NRG1: variants seen among roughly 807,000 people sequenced by gnomAD.
NRG1 encodes the protein neuregulin 1, also known as pro-neuregulin-1, membrane-bound isoform.
In NRG1, 18 loss-of-function variants were observed where a neutral mutation model predicts 63.8. The observed-to-expected ratio is 0.28, with a 90% confidence interval of 0.19 to 0.42. The LOEUF is 0.42. Ranked by LOEUF, NRG1 falls within the 10% of genes least tolerant of loss-of-function variation. NRG1 has a pLI of 1.00. For synonymous variants in NRG1, 302 were observed against 301.3 expected (o/e 1.00, Z -0.02); for missense variants, 762 against 814.7 (o/e 0.94, Z 0.79).
At chr8:32,518,434 T>A (rs1830040511) in intron 1 of NRG1, among the ~76,000 whole-genome samples, 1 of 152,108 alleles carries the variant, frequency 6.6e-6, no homozygotes, top group African/African-American at 2.4e-5. Flanking sequence ...ATTGTGTGGG[T>A]GACAAACTGA....
chr8:31,879,037 C>A (rs1450373315), intron 1 of NRG1, among the ~76,000 whole-genome samples: 1 of 152,022 alleles, frequency 6.6e-6, no homozygotes, highest in Non-Finnish European at 1.5e-5. Flanking sequence ...AAGGAAGTGG[C>A]ATCCCATTAT....
intron 7 of NRG1, among the ~76,000 whole-genome samples, chr8:32,751,948 C>A (rs558562930): frequency 3.9e-4 from 60 of 152,290 alleles, no homozygotes; most frequent in African/African-American, 1.4e-3. Context: ...TAGCCCTTGT[C>A]CATGTCCCCA....
chr8:31,765,051 A>G (rs1456566516), intron 1 of NRG1, among the ~76,000 whole-genome samples: 1 of 151,900 alleles, frequency 6.6e-6, no homozygotes, highest in Non-Finnish European at 1.5e-5. Flanking sequence ...AGTTAGAACT[A>G]TTGTTATATT....
intron 1 of NRG1, among the ~76,000 whole-genome samples, chr8:32,405,684 T>G (rs1164497073): frequency 6.6e-6 from 1 of 152,198 alleles, no homozygotes; most frequent in African/African-American, 2.4e-5. Context: ...GTAATCTTTA[T>G]GAAACTATTC....
At chr8:32,754,521 A>G in intron 8 of NRG1, 47 bp downstream of exon 8, 1 of 1,560,994 alleles carries the variant, frequency 6.4e-7, no homozygotes, top group Non-Finnish European at 8.8e-7. Context: ...ATGCAGAGAC[A>G]GCTTAGATGG....
intron 1 of NRG1, among the ~76,000 whole-genome samples, chr8:32,157,004 C>G (rs1838160588): frequency 6.6e-6 from 1 of 151,664 alleles, no homozygotes; most frequent in South Asian, 2.1e-4. Context: ...TTGCCTCCAA[C>G]CAAGTCTCAA....
At chr8:31,983,198 T>G (rs1809462401) in intron 1 of NRG1, among the ~76,000 whole-genome samples, 1 of 152,116 alleles carries the variant, frequency 6.6e-6, no homozygotes, top group African/African-American at 2.4e-5. Flanking sequence ...TAGTCAATAC[T>G]GAAAACATCC....
chr8:32,429,654 T>C (rs143808103), intron 1 of NRG1, among the ~76,000 whole-genome samples: 9 of 152,326 alleles, frequency 5.9e-5, no homozygotes, highest in African/African-American at 1.9e-4. Flanking sequence ...TCTCCCTTTT[T>C]GTTTTGATAC....
At position 32,758,575 on chromosome 8, in the gene NRG1, C is replaced by CAA. The variant is rs35499101; in HGVS notation, c.922-705_922-704dup. On this transcript the variant is annotated intron_variant, in intron 9 of 11. Coordinates refer to ENST00000356819, the Ensembl canonical transcript of NRG1. ...TGGGCAACAGAGTGAGACTCCATCT[C>CAA]AAAAAAAAAAAAAAAAAAAAAAAAA... 3.7e-3 allele frequency among the ~76,000 whole-genome samples: 274 copies of CAA among 74,534 alleles called. 10 individuals are homozygous for CAA. The highest frequency in any genetic ancestry group is 7.2e-3 in the African/African-American group (116 of 16,046). 48.9% of individuals were successfully genotyped at this position (74,534 alleles called of 152,430 possible).
chr8:32,632,464 G>A (rs1850508883), intron 5 of NRG1, among the ~76,000 whole-genome samples: 2 of 150,202 alleles, frequency 1.3e-5, no homozygotes. Context: ...CAGGAGAATT[G>A]CTTGAACCTG....
intron 1 of NRG1, among the ~76,000 whole-genome samples, chr8:32,590,510 A>C (rs1842345964): frequency 6.6e-6 from 1 of 152,206 alleles, no homozygotes; most frequent in African/African-American, 2.4e-5. Flanking sequence ...TTTTATGCTT[A>C]GATAAGACTT....
At chr8:32,212,513 A>G (rs1188891110) in intron 1 of NRG1, among the ~76,000 whole-genome samples, 1 of 152,204 alleles carries the variant, frequency 6.6e-6, no homozygotes, top group Non-Finnish European at 1.5e-5. Context: ...ATAAACAGCC[A>G]CATGTGGTCA....
chr8:32,433,778 G>C (rs1450845670), intron 1 of NRG1, among the ~76,000 whole-genome samples: 3 of 152,092 alleles, frequency 2.0e-5, no homozygotes, highest in African/African-American at 7.2e-5. Flanking sequence ...CTAACGCTTT[G>C]ACACATCCTA....
At position 32,660,498 on chromosome 8, in the gene NRG1, G is replaced by C. The variant is rs80283353; in HGVS notation, c.502+43613G>C. ...CAAACTTTGTTGAGACATGCTTTTG[G>C]ACATTTTAACATATAATTTGCAAAG... On this transcript the variant is annotated intron_variant, in intron 5 of 11. Coordinates refer to ENST00000356819, the Ensembl canonical transcript of NRG1. 2.6e-3 allele frequency among the ~76,000 whole-genome samples: 398 copies of C among 152,234 alleles called. 1 individual carries two copies. Among genetic ancestry groups the C allele is most frequent in the African/African-American group, 8.9e-3 (368 of 41,546 alleles).
At chr8:32,567,873 C>T (rs1470080840) in intron 1 of NRG1, among the ~76,000 whole-genome samples, 1 of 152,176 alleles carries the variant, frequency 6.6e-6, no homozygotes, top group Admixed American at 6.5e-5. Context: ...AGTGTGTGCT[C>T]TTACTGCTGT....
chr8:32,009,681 T>C (rs1278881792), intron 1 of NRG1, among the ~76,000 whole-genome samples: 1 of 152,016 alleles, frequency 6.6e-6, no homozygotes, highest in Non-Finnish European at 1.5e-5. Flanking sequence ...TGAATCAGGA[T>C]GTCAGGTCTT....
chr8:32,427,555 T>G (rs1817551284), intron 1 of NRG1, among the ~76,000 whole-genome samples: 1 of 152,190 alleles, frequency 6.6e-6, no homozygotes, highest in Admixed American at 6.5e-5. Flanking sequence ...ATGCCAATCA[T>G]CTTGTTACAG....
At chr8:32,491,820 G>C (rs1242926941) in intron 1 of NRG1, among the ~76,000 whole-genome samples, 1 of 152,180 alleles carries the variant, frequency 6.6e-6, no homozygotes, top group African/African-American at 2.4e-5. Flanking sequence ...TTTGAGGTTT[G>C]TGAGGCCAAA....
At chr8:32,617,497 T>C (rs776122838) in intron 5 of NRG1, among the ~76,000 whole-genome samples, 108 of 152,346 alleles carry the variant, frequency 7.1e-4, no homozygotes, top group Non-Finnish European at 1.2e-3. Context: ...TGGGGTTTTG[T>C]GCTATGTCGG....
Sources: allele counts gnomAD v4.1 joint callset (sites outside exome capture counted in the v4.1 genomes callset), GRCh38; gene constraint gnomAD v4.1.1; transcripts MANE v1.5; gene names NCBI Gene and HGNC (gene_info 2026-07-23, HGNC 2026-07-21).